KCNH8: variants seen among roughly 807,000 people sequenced by gnomAD.
KCNH8 encodes voltage-gated delayed rectifier potassium channel KCNH8.
In KCNH8, 70 loss-of-function variants were observed where a neutral mutation model predicts 103.6. That is an observed-to-expected ratio of 0.68 (90% confidence interval 0.56 to 0.82). The LOEUF (loss-of-function observed/expected upper bound fraction) is 0.82, where lower values mean the gene tolerates loss of function less well. KCNH8 is among the 40% of genes least tolerant of loss of function. KCNH8 has a pLI of 0.00. For synonymous variants in KCNH8, 498 were observed against 489.4 expected (o/e 1.02, Z -0.23); for missense variants, 1,217 against 1,329.9 (o/e 0.92, Z 1.32).
At chr3:19,355,819 G>C (rs186594273) in intron 5 of KCNH8, among the ~76,000 whole-genome samples, 1 of 151,560 alleles carries the variant, frequency 6.6e-6, no homozygotes, top group Admixed American at 6.6e-5. Context: ...CCAACATGGC[G>C]CATGTATACA....
At chr3:19,450,452 T>G in intron 9 of KCNH8, 147 bp downstream of exon 9, 1 of 683,536 alleles carries the variant, frequency 1.5e-6, no homozygotes, top group Non-Finnish European at 2.5e-6. Flanking sequence ...TCCCAATCCA[T>G]CTTCTTTCAC....
At chr3:19,275,443 A>G (rs1161586313) in intron 2 of KCNH8, among the ~76,000 whole-genome samples, 7 of 151,976 alleles carry the variant, frequency 4.6e-5, no homozygotes, top group South Asian at 2.1e-4. Context: ...AACCAGTGCC[A>G]TTTACTTTGG....
chr3:19,497,198 CTT>C (rs1050560735), intron 11 of KCNH8, among the ~76,000 whole-genome samples: 2 of 152,034 alleles, frequency 1.3e-5, no homozygotes, highest in African/African-American at 4.8e-5. Flanking sequence ...AAAACCAACT[CTT>C]GGATTAATTG....
chr3:19,466,241 T>C (rs2067733401), intron 11 of KCNH8, among the ~76,000 whole-genome samples: 1 of 152,154 alleles, frequency 6.6e-6, no homozygotes, highest in African/African-American at 2.4e-5. Flanking sequence ...TTGCTTCTTA[T>C]GAATGAGTGA....
At chr3:19,295,764 T>C (rs1316849877) in intron 3 of KCNH8, among the ~76,000 whole-genome samples, 2 of 151,866 alleles carry the variant, frequency 1.3e-5, no homozygotes, top group Admixed American at 1.3e-4. Context: ...TTTGCCTGAG[T>C]TTTTATATGG....
chr3:19,449,090 T>A, intron 8 of KCNH8: 1 of 524,686 alleles, frequency 1.9e-6, no homozygotes, highest in Non-Finnish European at 3.3e-6. Flanking sequence ...TCCTGGAAAG[T>A]GAGGTCCATC....
At chr3:19,211,496 T>A (rs1246277422) in intron 1 of KCNH8, among the ~76,000 whole-genome samples, 1 of 152,180 alleles carries the variant, frequency 6.6e-6, no homozygotes, top group Admixed American at 6.5e-5. Context: ...ACTGCTGATA[T>A]GCACAGTAGA....
chr3:19,523,553 G>A lies in KCNH8; in HGVS notation c.2619+5479G>A, dbSNP rs868188064. On this transcript the variant is annotated intron_variant, in intron 15 of 15. Transcript: ENST00000328405. ...AATGCCTAACACAGGTCAGCAGAAG[G>A]GGCTGCACCATCTGGAATGTCACTG... 1.1e-4 allele frequency among the ~76,000 whole-genome samples: 16 copies of A among 151,976 alleles called. 1 individual carries two copies. In the Middle Eastern group the frequency reaches 0.017, roughly 162 times the overall value.
chr3:19,473,949 T>C (rs537231848), intron 11 of KCNH8, among the ~76,000 whole-genome samples: 1 of 152,350 alleles, frequency 6.6e-6, no homozygotes, highest in African/African-American at 2.4e-5. Flanking sequence ...CCAAGAATTA[T>C]GCTTTTTGTC....
intron 5 of KCNH8, among the ~76,000 whole-genome samples, chr3:19,383,557 G>A (rs1217794981): frequency 6.6e-6 from 1 of 152,052 alleles, no homozygotes; most frequent in Non-Finnish European, 1.5e-5. Context: ...TTTTTTAATA[G>A]AGACGGGGTT....
intron 7 of KCNH8, among the ~76,000 whole-genome samples, chr3:19,419,413 G>A (rs975685415): frequency 1.3e-5 from 2 of 151,442 alleles, no homozygotes; most frequent in South Asian, 4.2e-4. Context: ...TGTTAGCCAG[G>A]ATGGTCTCGA....
chr3:19,466,648 CATT>C (rs2067742286), intron 11 of KCNH8, among the ~76,000 whole-genome samples: 3 of 107,746 alleles, frequency 2.8e-5, no homozygotes, highest in African/African-American at 1.0e-4. Context: ...TGTAGCAATA[CATT>C]TTTTTTTTTT....
At position 19,268,382 on chromosome 3, in the gene KCNH8, C is replaced by A. The variant is rs573050455; in HGVS notation, c.311-12816C>A. 1.4e-4 allele frequency among the ~76,000 whole-genome samples: 21 copies of A among 152,078 alleles called. No homozygotes were observed. In the East Asian group the frequency reaches 3.9e-3, roughly 28 times the overall value. Reference sequence around the variant, plus strand: ...ATGAAAGCATTCTAGTCAAAGAGAGCCACGTATGCAAAGTTCCTGGGAGAG... The same window carrying A: ...ATGAAAGCATTCTAGTCAAAGAGAGACACGTATGCAAAGTTCCTGGGAGAG... On this transcript the variant is annotated intron_variant, in intron 2 of 15. Transcript: ENST00000328405.
chr3:19,280,287 T>G (rs1417481592), intron 2 of KCNH8, among the ~76,000 whole-genome samples: 1 of 152,068 alleles, frequency 6.6e-6, no homozygotes, highest in Non-Finnish European at 1.5e-5. Flanking sequence ...TCTTCAAATA[T>G]TTTTTGAAAT....
intron 1 of KCNH8, among the ~76,000 whole-genome samples, chr3:19,169,409 G>A (rs2063318742): frequency 6.6e-6 from 1 of 151,808 alleles, no homozygotes; most frequent in African/African-American, 2.4e-5. Context: ...CAGGCGCCTG[G>A]CTAATTTTTT....
intron 7 of KCNH8, among the ~76,000 whole-genome samples, chr3:19,409,069 T>C (rs1295805313): frequency 6.6e-6 from 1 of 151,814 alleles, no homozygotes; most frequent in African/African-American, 2.4e-5. Flanking sequence ...ATATAACCAC[T>C]AGACTATCCA....
intron 11 of KCNH8, among the ~76,000 whole-genome samples, chr3:19,480,632 G>T (rs1486112280): frequency 6.6e-6 from 1 of 152,146 alleles, no homozygotes; most frequent in Non-Finnish European, 1.5e-5. Context: ...GAATACAATA[G>T]CACTTTTCAC....
At chr3:19,331,700 G>T (rs1246612378) in intron 3 of KCNH8, among the ~76,000 whole-genome samples, 1 of 152,098 alleles carries the variant, frequency 6.6e-6, no homozygotes, top group African/African-American at 2.4e-5. Context: ...GGTAAATGGA[G>T]TATCCATCCC....
intron 4 of KCNH8, among the ~76,000 whole-genome samples, chr3:19,343,777 G>A (rs9827872): frequency 0.46 from 70,264 of 151,800 alleles, 17,414 homozygotes; most frequent in African/African-American, 0.65. Context: ...TCAGACATAC[G>A]AAGTATTCAT....
Sources: allele counts gnomAD v4.1 joint callset (sites outside exome capture counted in the v4.1 genomes callset), GRCh38; gene constraint gnomAD v4.1.1; transcripts MANE v1.5; gene names NCBI Gene and HGNC (gene_info 2026-07-23, HGNC 2026-07-21).